The following PRKAR1A variants were observed in gnomAD, a reference collection of about 807,000 sequenced individuals.
PRKAR1A encodes cAMP-dependent protein kinase type I-alpha regulatory subunit.
A neutral mutation model predicts 52.0 loss-of-function variants in PRKAR1A; 3 were observed. The ratio of observed to expected loss-of-function variants is 0.06; its 90% CI spans 0.03 to 0.15. The LOEUF is 0.15. Ranked by LOEUF, PRKAR1A falls within the 10% of genes least tolerant of loss-of-function variation. PRKAR1A has a pLI of 1.00. For missense variants in PRKAR1A, 240 were observed against 477.4 expected, an observed-to-expected ratio of 0.50 and a Z score of 4.63; for synonymous variants, 188 against 168.4, an observed-to-expected ratio of 1.12 and a Z score of -0.90.
At chr17:68,424,430 C>T in the PRKAR1A span, 2 of 534,614 alleles carry the variant, frequency 3.7e-6, no homozygotes, top group Admixed American at 1.9e-5. Flanking sequence ...AGAAGCCAGA[C>T]CTGCACTCCA....
chr17:68,484,301 C>T, the PRKAR1A span, among the ~76,000 whole-genome samples: 33,376 of 152,102 alleles, frequency 0.22, 3,855 homozygotes, highest in South Asian at 0.25. Context: ...TCTTGCACAT[C>T]GGTCAGATTT....
the PRKAR1A span, among the ~76,000 whole-genome samples, chr17:68,468,650 G>A: frequency 3.3e-5 from 5 of 152,044 alleles, no homozygotes; most frequent in African/African-American, 7.2e-5. Flanking sequence ...TTGCAAATAC[G>A]CACGAGGAAT....
chr17:68,491,382 G>T, the PRKAR1A span, among the ~76,000 whole-genome samples: 1 of 152,106 alleles, frequency 6.6e-6, no homozygotes, highest in African/African-American at 2.4e-5. Flanking sequence ...GTGAGCCACC[G>T]CGCCCAGCCA....
At position 68,531,954 on chromosome 17, in the gene PRKAR1A, C is replaced by G; in HGVS notation, c.*1505C>G. 2.8e-6 allele frequency: 3 copies of G among 1,065,930 alleles called. No homozygotes were observed. Among genetic ancestry groups the G allele is most frequent in the African/African-American group, 1.6e-5 (1 of 61,186 alleles). The allele number at this position is 1,065,930 out of a possible 1,614,324, so 66.0% of individuals were successfully genotyped here. On this transcript the variant is annotated 3_prime_UTR_variant, in exon 11 of 11. Transcript: ENST00000589228. ...TTTCCATCTGTGTGCAACTAACTGACTCTGTTATTGATCCCTTCTCCTGCC... is the reference window on the plus strand; with the variant it reads ...TTTCCATCTGTGTGCAACTAACTGAGTCTGTTATTGATCCCTTCTCCTGCC...
rs1248494356 is a variant in PRKAR1A at position 68,539,317 on chromosome 17, T to C, written c.973+9316T>C. On this transcript the variant is annotated intron_variant, in intron 11 of 11. Coordinates refer to the PRKAR1A transcript ENST00000585981. ...TCACAACTGTTACTTGCCCGTATTA[T>C]CTGCTGCAGGAAAACTTACATGCAG... is the stretch of plus-strand genomic sequence containing the variant. The C allele has an allele frequency of 1.9e-6, 3 of 1,613,736 alleles. No individual in the cohort carries two copies. Among genetic ancestry groups the C allele is most frequent in the Admixed American group, 1.7e-5 (1 of 60,012 alleles).
rs1338922099 is a variant in PRKAR1A at position 68,541,729 on chromosome 17, G to A, written c.974-9355G>A. ...CCCACTAGACCAAGGAGCTTCTCAA[G>A]GAGAGAGTCTGAGTCTTCCATTTCT... On this transcript the variant is annotated intron_variant, in intron 11 of 11. Coordinates refer to the PRKAR1A transcript ENST00000585981. 9 of 419,406 alleles carry A rather than the reference G, an allele frequency of 2.1e-5. No individual in the cohort carries two copies. The East Asian group carries it at 2.8e-4, about 13-fold the overall frequency. 26.0% of individuals were successfully genotyped at this position (419,406 alleles called of 1,614,324 possible). A position where few individuals can be genotyped will look rare whatever the true frequency, so the allele number is the denominator to read the frequency against.
At chr17:68,494,267 T>C in the PRKAR1A span, among the ~76,000 whole-genome samples, 17,672 of 151,996 alleles carry the variant, frequency 0.12, 1,044 homozygotes, top group Middle Eastern at 0.16. Flanking sequence ...GGGCCGAGTG[T>C]GGTGGCTCAT....
chr17:68,473,490 T>C, the PRKAR1A span, among the ~76,000 whole-genome samples: 1 of 152,314 alleles, frequency 6.6e-6, no homozygotes, highest in African/African-American at 2.4e-5. Flanking sequence ...AACAGTTGAT[T>C]TGGTAAATCA....
intron 2 of PRKAR1A, among the ~76,000 whole-genome samples, chr17:68,521,579 T>C (rs1190743490): frequency 6.6e-6 from 1 of 152,246 alleles, no homozygotes; most frequent in Non-Finnish European, 1.5e-5. Context: ...TTTATACCTG[T>C]GTTAATATGA....
chr17:68,446,336 A>G, the PRKAR1A span, among the ~76,000 whole-genome samples: 1 of 151,938 alleles, frequency 6.6e-6, no homozygotes, highest in Non-Finnish European at 1.5e-5. Flanking sequence ...GTGCGCCACC[A>G]TGCCTGGCTA....
chr17:68,434,541 A>G, the PRKAR1A span: 45 of 1,613,606 alleles, frequency 2.8e-5, no homozygotes, highest in Non-Finnish European at 3.6e-5. Context: ...AATGGGTTTG[A>G]CATTGAACAC....
the PRKAR1A span, among the ~76,000 whole-genome samples, chr17:68,480,801 T>G: frequency 3.3e-5 from 5 of 152,322 alleles, no homozygotes; most frequent in Non-Finnish European, 7.4e-5. Flanking sequence ...CTGTGTGCCT[T>G]GGCCTCCCAA....
At chr17:68,420,441 C>T in the PRKAR1A span, 1 of 1,614,024 alleles carries the variant, frequency 6.2e-7, no homozygotes, top group Non-Finnish European at 8.5e-7. Flanking sequence ...TACCAAATTG[C>T]CTGCCGCTGT....
chr17:68,510,159 C>CAGAGAGAGAGAGAGAG (rs35144524), upstream of PRKAR1A, among the ~76,000 whole-genome samples: 2,860 of 127,472 alleles, frequency 0.022, 92 homozygotes, highest in Middle Eastern at 0.05. Context: ...TATATGTAGA[C>CAGAGAGAGAGAGAGAG]AGAGAGAGAG....
the PRKAR1A span, among the ~76,000 whole-genome samples, chr17:68,417,664 C>G: frequency 2.7e-5 from 4 of 147,546 alleles, no homozygotes; most frequent in South Asian, 6.4e-4. Flanking sequence ...TTGTCTGTCT[C>G]TCTAATTTTG....
At chr17:68,420,459 C>T in the PRKAR1A span, 1 of 1,605,632 alleles carries the variant, frequency 6.2e-7, no homozygotes, top group Non-Finnish European at 8.5e-7. Context: ...TGTCAAGCCG[C>T]ATAACAGACC....
At chr17:68,476,154 A>C in the PRKAR1A span, among the ~76,000 whole-genome samples, 1 of 152,076 alleles carries the variant, frequency 6.6e-6, no homozygotes, top group Non-Finnish European at 1.5e-5. Flanking sequence ...TATAATATTT[A>C]TAATCTACTA....
At chr17:68,548,669 T>G (rs1308887993) in intron 11 of PRKAR1A, among the ~76,000 whole-genome samples, 4 of 150,748 alleles carry the variant, frequency 2.7e-5, no homozygotes, top group Admixed American at 1.3e-4. Flanking sequence ...GTAAAAAACC[T>G]AGTATCTGCA....
chr17:68,529,267 A>G (rs927344436), intron 9 of PRKAR1A, among the ~76,000 whole-genome samples: 20 of 152,228 alleles, frequency 1.3e-4, no homozygotes, highest in Non-Finnish European at 2.2e-4. Context: ...AAACCATTTA[A>G]CATAACAAAC....
Sources: gnomAD v4.1 joint callset for allele counts (sites outside exome capture counted in the v4.1 genomes callset) on GRCh38, gnomAD v4.1.1 for gene constraint, MANE v1.5 for transcripts, NCBI Gene and HGNC (gene_info 2026-07-23, HGNC 2026-07-21) for gene names.